KLRG1: variants seen among roughly 807,000 people sequenced by gnomAD.
KLRG1 encodes killer cell lectin like receptor G1, also known as killer cell lectin-like receptor subfamily G member 1.
A neutral mutation model predicts 21.8 loss-of-function variants in KLRG1; 16 were observed. That is an observed-to-expected ratio of 0.73 (90% CI 0.50 to 1.11). The LOEUF is 1.11. Among genes scored for constraint, KLRG1 ranks in the 50% most tolerant of loss-of-function variants. The probability of loss-of-function intolerance (pLI) is 0.00; values close to 1 mark genes in which losing one functional copy is unlikely to be tolerated. For missense variants in KLRG1, 173 were observed against 218.3 expected (o/e 0.79, Z 1.31); for synonymous variants, 69 against 75.9 (o/e 0.91, Z 0.47).
intron 1 of KLRG1, among the ~76,000 whole-genome samples, chr12:8,967,359 AAAAT>A (rs1163065559): frequency 1.3e-5 from 2 of 152,174 alleles, no homozygotes; most frequent in Non-Finnish European, 2.9e-5. Context: ...AAAATAAAAT[AAAAT>A]AAATGTTAAA....
the KLRG1 span, among the ~76,000 whole-genome samples, chr12:9,151,842 G>A: frequency 2.0e-3 from 304 of 152,308 alleles, 1 homozygote; most frequent in African/African-American, 7.1e-3. Flanking sequence ...TAACACATTA[G>A]AGCCTCTGGC....
chr12:9,196,434 C>T, the KLRG1 span: 2 of 1,610,170 alleles, frequency 1.2e-6, no homozygotes, highest in South Asian at 2.2e-5. Flanking sequence ...GCAGTGACTT[C>T]CAGGTCTGAA....
the KLRG1 span, chr12:9,113,593 G>A: frequency 5.2e-6 from 8 of 1,525,286 alleles, no homozygotes; most frequent in Admixed American, 7.0e-5. Flanking sequence ...GAGAGGCATT[G>A]CTATCAACAG....
the KLRG1 span, among the ~76,000 whole-genome samples, chr12:9,200,691 T>C: frequency 1.8e-4 from 27 of 152,316 alleles, no homozygotes; most frequent in African/African-American, 6.5e-4. Context: ...AGAAGTTTCA[T>C]ACTTGGCAAA....
intron 1 of KLRG1, among the ~76,000 whole-genome samples, chr12:8,979,771 G>C (rs1043632698): frequency 6.6e-6 from 1 of 151,818 alleles, no homozygotes; most frequent in African/African-American, 2.4e-5. Flanking sequence ...CCTCTGACTG[G>C]ATAATTTCAA....
chr12:9,098,463 T>A, the KLRG1 span: 1 of 706,872 alleles, frequency 1.4e-6, no homozygotes, highest in South Asian at 3.6e-5. Context: ...TCCTTACCAA[T>A]GAAAGCCCAC....
At chr12:9,194,550 T>A in the KLRG1 span, among the ~76,000 whole-genome samples, 1 of 149,284 alleles carries the variant, frequency 6.7e-6, no homozygotes, top group Non-Finnish European at 1.5e-5. Flanking sequence ...CTGCAAGCTC[T>A]GCCTCCTGGA....
the KLRG1 span, among the ~76,000 whole-genome samples, chr12:9,195,697 T>TC: frequency 7.0e-6 from 1 of 142,276 alleles, no homozygotes; most frequent in Non-Finnish European, 1.5e-5. Context: ...CAGGCGATCC[T>TC]CCCCCCTTGG....
the KLRG1 span, chr12:9,068,881 C>G: frequency 2.6e-4 from 377 of 1,439,112 alleles, 1 homozygote; most frequent in Non-Finnish European, 3.4e-4. Flanking sequence ...TTTCAGGAAG[C>G]TTTCTTCTCT....
the KLRG1 span, chr12:9,057,620 CTGTCTTATAG>C: frequency 1.3e-4 from 20 of 152,512 alleles, no homozygotes; most frequent in Admixed American, 3.3e-4. Flanking sequence ...TTTTGCTCAC[CTGTCTTATAG>C]TAATCATAGG....
chr12:9,178,119 A>G, the KLRG1 span, among the ~76,000 whole-genome samples: 1 of 152,210 alleles, frequency 6.6e-6, no homozygotes. Context: ...GATTATAGCA[A>G]TCCCCCAATC....
chr12:8,999,806 A>C (rs185504890), intron 3 of KLRG1, among the ~76,000 whole-genome samples: 35 of 152,338 alleles, frequency 2.3e-4, no homozygotes, highest in Non-Finnish European at 4.7e-4. Context: ...TGGGAGGCCG[A>C]GATGGGTGAA....
chr12:9,159,321 A>G, the KLRG1 span, among the ~76,000 whole-genome samples: 1 of 152,296 alleles, frequency 6.6e-6, no homozygotes, highest in African/African-American at 2.4e-5. Context: ...TGACACATTT[A>G]TTTATCCACA....
chr12:9,138,334 C>T, the KLRG1 span, among the ~76,000 whole-genome samples: 53 of 152,070 alleles, frequency 3.5e-4, no homozygotes, highest in African/African-American at 1.3e-3. Flanking sequence ...ACTGAACCAT[C>T]CTTGCATCCT....
the KLRG1 span, among the ~76,000 whole-genome samples, chr12:9,051,456 C>T: frequency 2.0e-5 from 3 of 151,950 alleles, no homozygotes; most frequent in Admixed American, 6.5e-5. Context: ...CCTGCAGAGG[C>T]GAGCAACCCT....
chr12:9,109,311 A>G, the KLRG1 span: 1 of 1,602,686 alleles, frequency 6.2e-7, no homozygotes, highest in Non-Finnish European at 8.5e-7. Flanking sequence ...TTTTTAAAAA[A>G]TGAACTCACA....
At chr12:9,153,300 G>C in the KLRG1 span, 1 of 1,614,150 alleles carries the variant, frequency 6.2e-7, no homozygotes. Context: ...GGTGAAAGTG[G>C]CTGCTCCATA....
chr12:9,181,075 C>G, the KLRG1 span: 1 of 1,614,192 alleles, frequency 6.2e-7, no homozygotes, highest in African/African-American at 1.3e-5. Context: ...GCAGCTGCTA[C>G]TTGCAGGTGG....
chr12:9,071,744 C>T, the KLRG1 span, among the ~76,000 whole-genome samples: 1 of 152,130 alleles, frequency 6.6e-6, no homozygotes, highest in Non-Finnish European at 1.5e-5. Flanking sequence ...ACCTCCATCT[C>T]CATCCATGTT....
Sources: allele counts gnomAD v4.1 joint callset (sites outside exome capture counted in the v4.1 genomes callset), GRCh38; gene constraint gnomAD v4.1.1; transcripts MANE v1.5; gene names NCBI Gene and HGNC (gene_info 2026-07-23, HGNC 2026-07-21).